TUSC3: variants seen among roughly 807,000 people sequenced by gnomAD.
TUSC3 encodes the protein tumor suppressor candidate 3.
TUSC3 carries 45 observed loss-of-function variants against 44.8 expected under a neutral mutation model. The ratio of observed to expected loss-of-function variants is 1.00; its 90% CI spans 0.79 to 1.29. The LOEUF (loss-of-function observed/expected upper bound fraction) is 1.29. TUSC3 is among the 50% of genes most tolerant of loss of function. The pLI is 0.00. For synonymous variants in TUSC3, 212 were observed against 152.9 expected, an observed-to-expected ratio of 1.39 and a Z score of -2.85; for missense variants, 519 against 437.9, an observed-to-expected ratio of 1.19 and a Z score of -1.65.
rs113402854 is a variant in TUSC3, at chr8:15,673,071, T to G, written c.709-676T>G. ...ATGCTGACACCTCAGTTATACTGAT[T>G]GAACTGTGACTTCTGGTTTATGCAT... On this transcript the variant is annotated intron_variant, in intron 5 of 10. Coordinates refer to ENST00000503731, the MANE Select transcript of TUSC3 (RefSeq NM_006765.4). Among the ~76,000 whole-genome samples the G allele has an allele frequency of 5.5e-3, 841 of 152,210 alleles. 7 individuals are homozygous for G. Among genetic ancestry groups the G allele is most frequent in the Non-Finnish European group, 9.7e-3 (657 of 67,972 alleles).
intron 2 of TUSC3, among the ~76,000 whole-genome samples, chr8:15,512,140 C>G (rs919773018): frequency 6.6e-6 from 1 of 152,134 alleles, no homozygotes; most frequent in East Asian, 1.9e-4. Flanking sequence ...ATAATTGAAA[C>G]TGTGATATTT....
At chr8:15,599,434 G>A (rs1163840055) in intron 1 of TUSC3, among the ~76,000 whole-genome samples, 1 of 151,568 alleles carries the variant, frequency 6.6e-6, no homozygotes, top group Non-Finnish European at 1.5e-5. Flanking sequence ...AAATTTTAGT[G>A]AATTTTAATG....
intron 2 of TUSC3, among the ~76,000 whole-genome samples, chr8:15,528,017 T>G (rs554589779): frequency 6.6e-6 from 1 of 152,328 alleles, no homozygotes; most frequent in East Asian, 1.9e-4. Context: ...CAGATAAATA[T>G]TCTTTGACAT....
chr8:15,752,729 C>A (rs898812710), intron 9 of TUSC3, among the ~76,000 whole-genome samples: 2 of 151,978 alleles, frequency 1.3e-5, no homozygotes, highest in African/African-American at 4.8e-5. Flanking sequence ...TTCGTATATT[C>A]CTATAAGTAG....
At chr8:15,799,045 T>C in the TUSC3 span, among the ~76,000 whole-genome samples, 3 of 152,316 alleles carry the variant, frequency 2.0e-5, no homozygotes, top group Admixed American at 1.3e-4. Context: ...AGTTTAACTA[T>C]ATCAAGAAAT....
At chr8:15,442,342 A>G (rs1800031844) in intron 1 of TUSC3, among the ~76,000 whole-genome samples, 1 of 152,108 alleles carries the variant, frequency 6.6e-6, no homozygotes. Flanking sequence ...TTTTAAAGGT[A>G]AAGGTTTTAT....
At chr8:15,688,162 T>C (rs1435198017) in intron 6 of TUSC3, among the ~76,000 whole-genome samples, 2 of 152,142 alleles carry the variant, frequency 1.3e-5, no homozygotes, top group Admixed American at 6.6e-5. Flanking sequence ...ACCAAAGATA[T>C]TATTTTCATC....
intron 2 of TUSC3, among the ~76,000 whole-genome samples, chr8:15,487,245 GAAA>G (rs1291280592): frequency 1.3e-5 from 2 of 152,090 alleles, no homozygotes; most frequent in African/African-American, 4.8e-5. Context: ...TACTTAATCT[GAAA>G]ATATTAACTT....
At chr8:15,696,553 C>G (rs1052622078) in intron 6 of TUSC3, among the ~76,000 whole-genome samples, 1 of 152,078 alleles carries the variant, frequency 6.6e-6, no homozygotes, top group Admixed American at 6.5e-5. Context: ...AGAAGAGGGC[C>G]ACCGTCCTCC....
intron 1 of TUSC3, among the ~76,000 whole-genome samples, chr8:15,475,675 A>G (rs1263217165): frequency 6.6e-6 from 1 of 152,138 alleles, no homozygotes; most frequent in African/African-American, 2.4e-5. Flanking sequence ...TTACATAATC[A>G]TTTTGGTTTT....
At chr8:15,844,494 C>A in the TUSC3 span, among the ~76,000 whole-genome samples, 5 of 152,026 alleles carry the variant, frequency 3.3e-5, no homozygotes, top group African/African-American at 7.2e-5. Flanking sequence ...TTATGATGAA[C>A]CCAACTGCTG....
chr8:15,797,039 C>A, the TUSC3 span, among the ~76,000 whole-genome samples: 1 of 152,208 alleles, frequency 6.6e-6, no homozygotes, highest in South Asian at 2.1e-4. Flanking sequence ...CTCTCCCTAA[C>A]TGCATCGTCT....
At chr8:15,673,624 T>A (rs1808054181) in intron 5 of TUSC3, 123 bp from the exon 6 acceptor site, 4 of 824,292 alleles carry the variant, frequency 4.9e-6, no homozygotes, top group Admixed American at 2.0e-5. Flanking sequence ...TGAAATTTTT[T>A]AAAATGTGTG....
the TUSC3 span, among the ~76,000 whole-genome samples, chr8:15,783,480 A>C: frequency 6.6e-6 from 1 of 152,220 alleles, no homozygotes; most frequent in Non-Finnish European, 1.5e-5. Context: ...AATATATTAC[A>C]AAGCTATGGT....
At chr8:15,578,092 C>A (rs1803185575) in intron 1 of TUSC3, among the ~76,000 whole-genome samples, 1 of 150,294 alleles carries the variant, frequency 6.7e-6, no homozygotes, top group Admixed American at 6.7e-5. Flanking sequence ...AATGGGAGTT[C>A]ACTCATGATT....
intron 2 of TUSC3, among the ~76,000 whole-genome samples, chr8:15,626,072 C>T (rs545950038): frequency 1.8e-4 from 27 of 152,250 alleles, no homozygotes; most frequent in Non-Finnish European, 4.0e-4. Flanking sequence ...GTTGCAGGAG[C>T]AGCAGTGGCA....
intron 1 of TUSC3, among the ~76,000 whole-genome samples, chr8:15,468,095 T>C (rs1800437889): frequency 1.3e-5 from 2 of 152,220 alleles, no homozygotes; most frequent in African/African-American, 4.8e-5. Context: ...CTAAAGTATT[T>C]CTGCTAAATG....
At chr8:15,663,685 CT>C (rs1311429188) in intron 5 of TUSC3, among the ~76,000 whole-genome samples, 5 of 151,846 alleles carry the variant, frequency 3.3e-5, no homozygotes, top group African/African-American at 1.2e-4. Flanking sequence ...TGTTTTCTCA[CT>C]TTTGATGAAT....
At chr8:15,515,526 A>G (rs927967080) in intron 2 of TUSC3, among the ~76,000 whole-genome samples, 11 of 152,300 alleles carry the variant, frequency 7.2e-5, no homozygotes, top group Middle Eastern at 3.4e-3. Context: ...TGGTTCATTA[A>G]TAGGTATAGA....
Sources: allele counts gnomAD v4.1 joint callset (sites outside exome capture counted in the v4.1 genomes callset), GRCh38; gene constraint gnomAD v4.1.1; transcripts MANE v1.5; gene names NCBI Gene and HGNC (gene_info 2026-07-23, HGNC 2026-07-21).